MLC1: variants seen among roughly 807,000 people sequenced by gnomAD.
The protein encoded by MLC1 is membrane protein MLC1.
Under a neutral mutation model 44.7 loss-of-function variants are expected in MLC1, and 32 were observed. That is an observed-to-expected ratio of 0.72 (90% CI 0.54 to 0.96). The LOEUF (loss-of-function observed/expected upper bound fraction) is 0.96, where lower values mean the gene tolerates loss of function less well. MLC1 is among the 40% of genes least tolerant of loss of function. The pLI, the probability that MLC1 is intolerant of heterozygous loss-of-function variation, is 0.00. For synonymous variants in MLC1, 190 were observed against 213.0 expected (o/e 0.89, Z 0.94); for missense variants, 459 against 492.2 (o/e 0.93, Z 0.64).
At chr22:50,068,725 CTTTTTTTT>C (rs765426637) in intron 9 of MLC1, among the ~76,000 whole-genome samples, 170 bp from the exon 10 acceptor site, 3 of 105,256 alleles carry the variant, frequency 2.9e-5, no homozygotes, top group African/African-American at 1.1e-4. Context: ...TTTTCTTTTT[CTTTTTTTT>C]TTTTTTTTTT....
chr22:50,077,537 C>T (rs200678775), intron 5 of MLC1, 35 bp from the exon 6 acceptor site: 6 of 1,563,376 alleles, frequency 3.8e-6, no homozygotes, highest in African/African-American at 1.4e-5. Flanking sequence ...GCACCGGGCC[C>T]GCCTTTCTCA....
In MLC1 at chr22:50,070,321, G is replaced by A. The variant is rs73893125; in HGVS notation, c.771+206C>T. Among the ~76,000 whole-genome samples the A allele has an allele frequency of 0.062, 9,438 of 152,282 alleles. 978 individuals carry two copies. The highest frequency in any genetic ancestry group is 0.21 in the African/African-American group (8,920 of 41,548). On this transcript the variant is annotated intron_variant, in intron 9 of 11. Transcript: ENST00000311597. ...CCAGTGTCTACACCACCTTGTTCAG[G>A]TCTGCCTGTCCCTGAGAACAGTCCC... is the stretch of plus-strand genomic sequence containing the variant.
rs1400477433 is a variant in MLC1, at chr22:50,084,807, C to T, written c.96G>A (p.Ala32=). 12 of 1,614,026 alleles carry T rather than the reference C, an allele frequency of 7.4e-6. No individual in the cohort carries two copies. The highest frequency in any genetic ancestry group is 2.2e-5 in the East Asian group (1 of 44,888). The part of the protein sequence containing the change: ...RQDPASYAPD[A]KPSDLQLSKR... ...TCGACAGCTGCAGGTCGCTCGGCTT[C>T]GCGTCTGGGGCATAGCTGGCGGGGT... Residue 32 remains alanine, a synonymous_variant, in exon 2 of 12, where the codon GCG becomes GCA. Coordinates refer to ENST00000311597, the MANE Select transcript of MLC1 (RefSeq NM_015166.4).
At chr22:50,066,309 G>A (rs1165724066) in intron 10 of MLC1, among the ~76,000 whole-genome samples, 1 of 152,012 alleles carries the variant, frequency 6.6e-6, no homozygotes, top group East Asian at 1.9e-4. Context: ...GACCAGCCCG[G>A]GCAACAGAGT....
At chr22:50,070,649 G>A (rs1004983804) in intron 8 of MLC1, 66 bp from the exon 9 acceptor site, 6 of 1,494,392 alleles carry the variant, frequency 4.0e-6, no homozygotes, top group Middle Eastern at 1.7e-4. Flanking sequence ...CCAAACATGT[G>A]CCCTCCCACC....
intron 10 of MLC1, among the ~76,000 whole-genome samples, chr22:50,067,818 T>A (rs190000243): frequency 4.0e-4 from 35 of 87,046 alleles, no homozygotes; most frequent in African/African-American, 1.5e-3. Context: ...AGTGACTCCA[T>A]CCCCCATCAG....
rs2061557312 is a variant in MLC1 at position 50,061,436 on chromosome 22, G to A, written c.*147C>T. On this transcript the variant is annotated 3_prime_UTR_variant, in exon 12 of 12. Coordinates refer to ENST00000311597, the MANE Select transcript of MLC1 (RefSeq NM_015166.4). ...CCTATTTTAAAATTAAACTACCCTA[G>A]GAAGTGAAAACCCCACCTGCAGCCT... 3.6e-6 allele frequency: 3 copies of A among 828,144 alleles called. No homozygotes were observed. The highest frequency in any genetic ancestry group is 1.9e-5 in the Admixed American group (1 of 52,420). 51.3% of individuals were successfully genotyped at this position (828,144 alleles called of 1,614,324 possible).
At chr22:50,074,825 G>A (rs1371992449) in intron 7 of MLC1, 5 of 205,328 alleles carry the variant, frequency 2.4e-5, no homozygotes, top group African/African-American at 2.3e-5. Context: ...CCGTGGCAAT[G>A]ATCCAACCAC....
chr22:50,069,489 T>C (rs2061798131), intron 9 of MLC1, among the ~76,000 whole-genome samples: 1 of 150,728 alleles, frequency 6.6e-6, no homozygotes, highest in Non-Finnish European at 1.5e-5. Context: ...CTACTAAAGA[T>C]ACAAAAACTA....
intron 8 of MLC1, 54 bp downstream of exon 8, chr22:50,074,162 G>T: frequency 6.9e-7 from 1 of 1,450,448 alleles, no homozygotes; most frequent in Non-Finnish European, 9.6e-7. Flanking sequence ...AGCCACGCAG[G>T]ATCTGAGCAG....
At position 50,068,480 on chromosome 22, in the gene MLC1, T is replaced by G. The variant is rs774026753; in HGVS notation, c.847A>C (p.Ile283Leu). The G allele has an allele frequency of 6.2e-7, 1 of 1,613,966 alleles. No individual in the cohort carries two copies. Among genetic ancestry groups the G allele is most frequent in the Admixed American group, 1.7e-5 (1 of 60,024 alleles). ...TTAAACATCTCCACGATTCTCATGATGCTGAATGACAGATATCCAGAGGCT... is the reference window on the plus strand; with the variant it reads ...TTAAACATCTCCACGATTCTCATGAGGCTGAATGACAGATATCCAGAGGCT... ...FTASGYLSFS[I>L]MRIVEMFKDY... Residue 283 changes from isoleucine (I) to leucine (L), a missense_variant, in exon 10 of 12, where the codon ATC becomes CTC. Ile to Leu is a conservative substitution (Grantham distance 5). Coordinates refer to ENST00000311597, the MANE Select transcript of MLC1 (RefSeq NM_015166.4).
At chr22:50,063,490 A>AAAC (rs200635482) in intron 11 of MLC1, among the ~76,000 whole-genome samples, 1 of 149,836 alleles carries the variant, frequency 6.7e-6, no homozygotes. Context: ...AAAAAAAAAA[A>AAAC]GAAAAGAAAG....
intron 9 of MLC1, among the ~76,000 whole-genome samples, chr22:50,069,055 C>G (rs907253694): frequency 6.7e-6 from 1 of 150,148 alleles, no homozygotes; most frequent in Non-Finnish European, 1.5e-5. Flanking sequence ...GAGAGGCAGC[C>G]TAGCTGTGTA....
intron 10 of MLC1, among the ~76,000 whole-genome samples, chr22:50,066,943 AC>A (rs775186484): frequency 7.2e-5 from 11 of 152,030 alleles, no homozygotes; most frequent in Non-Finnish European, 1.3e-4. Context: ...CCAGAGGATA[AC>A]CCCACACAGA....
Position 50,070,562 on chromosome 22 carries a change from T to G in MLC1, c.736A>C (p.Ser246Arg), listed in dbSNP as rs281875315. The G allele has an allele frequency of 6.4e-7, 1 of 1,565,312 alleles. No individual in the cohort carries two copies. Among genetic ancestry groups the G allele is most frequent in the East Asian group, 2.3e-5 (1 of 42,762 alleles). Residue 246 changes from serine (S) to arginine (R), a missense_variant, in exon 9 of 12, where the codon AGT becomes CGT. Ser to Arg is a moderately radical substitution (Grantham distance 110). Transcript: ENST00000311597. ...LVACFPSAIA[S>R]HVAAECPSKC... ...CTGGGACACTCTGCTGCCACATGAC[T>G]GGCAATGGCACTTGGAAAGCACTAA...
chr22:50,067,772 TC>T (rs777009960), intron 10 of MLC1, among the ~76,000 whole-genome samples: 824 of 54,826 alleles, frequency 0.015, 151 homozygotes, highest in Admixed American at 0.025. Flanking sequence ...AGTGACTCCA[TC>T]CCCCATCAGA....
chr22:50,078,510 G>A (rs555026867), intron 5 of MLC1, among the ~76,000 whole-genome samples: 8 of 151,536 alleles, frequency 5.3e-5, no homozygotes, highest in South Asian at 4.2e-4. Flanking sequence ...GGACCGAGGC[G>A]GTTGGATCAC....
chr22:50,078,558 G>A (rs1404984079), intron 5 of MLC1, among the ~76,000 whole-genome samples: 1 of 151,580 alleles, frequency 6.6e-6, no homozygotes, highest in Non-Finnish European at 1.5e-5. Context: ...GACCAACATG[G>A]TGAAACCCCT....
chr22:50,062,540 G>A lies in MLC1; in HGVS notation c.1060-883C>T, dbSNP rs538886545. On this transcript the variant is annotated intron_variant, in intron 11 of 11. Coordinates refer to ENST00000311597, the MANE Select transcript of MLC1 (RefSeq NM_015166.4). ...TTAAGGGAACAGCAGTAGGGAGGGTGGAGGGTGGGGGCGACGGGGTCAGCT... is the reference window on the plus strand; with the variant it reads ...TTAAGGGAACAGCAGTAGGGAGGGTAGAGGGTGGGGGCGACGGGGTCAGCT... Among the ~76,000 whole-genome samples the A allele has an allele frequency of 1.6e-4, 24 of 152,394 alleles. No individual in the cohort carries two copies. The East Asian group carries it at 4.2e-3, about 27-fold the overall frequency.
Sources: gnomAD v4.1 joint callset for allele counts (sites outside exome capture counted in the v4.1 genomes callset) on GRCh38, gnomAD v4.1.1 for gene constraint, MANE v1.5 for transcripts, NCBI Gene and HGNC (gene_info 2026-07-23, HGNC 2026-07-21) for gene names.